The following CALHM4 variants were observed in gnomAD, a reference collection of about 807,000 sequenced individuals.
The protein encoded by CALHM4 is calcium homeostasis modulator protein 4.
In CALHM4, 16 loss-of-function variants were observed where a neutral mutation model predicts 13.3. That is an observed-to-expected ratio of 1.20 (90% CI 0.81 to 1.82). The LOEUF is 1.82. Ranked by LOEUF, CALHM4 falls within the 40% of genes most tolerant of loss-of-function variation. The probability of loss-of-function intolerance (pLI) is 0.00; values close to 1 mark genes in which losing one functional copy is unlikely to be tolerated. For missense variants in CALHM4, 344 were observed against 374.9 expected, an observed-to-expected ratio of 0.92 and a Z score of 0.68; for synonymous variants, 127 against 137.1, an observed-to-expected ratio of 0.93 and a Z score of 0.52.
intron 1 of CALHM4, among the ~76,000 whole-genome samples, chr6:116,536,544 C>T (rs1212844694): frequency 2.0e-5 from 3 of 152,180 alleles, no homozygotes; most frequent in African/African-American, 7.2e-5. Flanking sequence ...TTTACTAACT[C>T]AGAGGGAGGG....
At chr6:116,536,215 G>A (rs1334702620) in intron 1 of CALHM4, among the ~76,000 whole-genome samples, 4 of 152,104 alleles carry the variant, frequency 2.6e-5, no homozygotes, top group Non-Finnish European at 5.9e-5. Flanking sequence ...GTAGGAATGA[G>A]ACTTTATAAT....
In CALHM4 at chr6:116,557,821, G is replaced by A. The variant is rs1472361233; in HGVS notation, c.559-4G>A. ...CTGTTTTTCTTTTTAATAATGATGT[G>A]AAGATGCTGGGTTGGATTTTGATCA... On this transcript the variant is annotated splice_region_variant and splice_polypyrimidine_tract_variant and intron_variant, in intron 1 of 1. Coordinates refer to ENST00000368596, the MANE Select transcript of CALHM4 (RefSeq NM_001366078.2). The A allele has an allele frequency of 6.2e-7, 1 of 1,607,552 alleles. No individual in the cohort carries two copies. The highest frequency in any genetic ancestry group is 8.5e-7 in the Non-Finnish European group (1 of 1,175,600).
upstream of CALHM4, among the ~76,000 whole-genome samples, chr6:116,549,432 A>C (rs375917978): frequency 1.1e-4 from 16 of 152,324 alleles, no homozygotes; most frequent in East Asian, 2.9e-3. Flanking sequence ...TGATATTATG[A>C]GGTACATGGA....
chr6:116,540,483 G>A (rs1281508480), intron 1 of CALHM4: 1 of 1,547,376 alleles, frequency 6.5e-7, no homozygotes, highest in Non-Finnish European at 8.7e-7. Context: ...CGGAAAGAGT[G>A]TGGTCTGAAA....
chr6:116,537,726 T>C (rs997150072), intron 1 of CALHM4, among the ~76,000 whole-genome samples: 12 of 152,180 alleles, frequency 7.9e-5, no homozygotes. Flanking sequence ...GGCTACCTCC[T>C]GCAGAAGAAA....
intron 1 of CALHM4, among the ~76,000 whole-genome samples, chr6:116,554,995 T>C (rs1019433399): frequency 1.3e-5 from 2 of 152,222 alleles, no homozygotes; most frequent in Non-Finnish European, 2.9e-5. Flanking sequence ...CTGTCATCAA[T>C]TTCTCCAAGG....
At chr6:116,544,978 G>A (rs1408367965) in intron 2 of CALHM4, among the ~76,000 whole-genome samples, 3 of 151,698 alleles carry the variant, frequency 2.0e-5, no homozygotes, top group Non-Finnish European at 4.4e-5. Context: ...CTCTTAACCT[G>A]GAATATATAG....
At chr6:116,541,507 G>A (rs1002244714) in intron 1 of CALHM4, among the ~76,000 whole-genome samples, 30 of 152,296 alleles carry the variant, frequency 2.0e-4, no homozygotes, top group African/African-American at 6.7e-4. Flanking sequence ...TGGTGACTAG[G>A]TGGTTGGAGG....
intron 1 of CALHM4, among the ~76,000 whole-genome samples, chr6:116,538,753 AC>A (rs1773250360): frequency 5.3e-5 from 8 of 150,986 alleles, no homozygotes; most frequent in Admixed American, 5.3e-4. Flanking sequence ...TTTTTTTGAA[AC>A]AGGGTCTTGC....
At chr6:116,557,218 T>C (rs757220245) in intron 1 of CALHM4, among the ~76,000 whole-genome samples, 3 of 152,184 alleles carry the variant, frequency 2.0e-5, no homozygotes, top group Non-Finnish European at 4.4e-5. Context: ...ATTACAAGTA[T>C]GAGCCACCAC....
intron 1 of CALHM4, among the ~76,000 whole-genome samples, chr6:116,556,346 T>A (rs1774316368): frequency 6.6e-6 from 1 of 152,220 alleles, no homozygotes; most frequent in Non-Finnish European, 1.5e-5. Flanking sequence ...AATGAATGCA[T>A]CTTTAATTAT....
chr6:116,545,536 A>G (rs1441444102), intron 2 of CALHM4: 4 of 1,543,856 alleles, frequency 2.6e-6, no homozygotes, highest in African/African-American at 2.7e-5. Context: ...GATGAAGAAT[A>G]TGATCTTCAA....
rs773308950 is a variant in CALHM4 at position 116,553,872 on chromosome 6, A to T, written c.79A>T (p.Thr27Ser). ...IFINSLIAAL[T>S]IGGQQLFSSS... ...TATCAATTCTTTAATTGCAGCCTTG[A>T]CTATTGGTGGGCAACAACTCTTCTC... The change falls in exon 1 of 2, where the codon ACT becomes TCT. Residue 27 changes from threonine to serine, a missense_variant. Coordinates refer to ENST00000368596, the MANE Select transcript of CALHM4 (RefSeq NM_001366078.2). The T allele has an allele frequency of 4.5e-6, 7 of 1,550,618 alleles. No individual in the cohort carries two copies. Among genetic ancestry groups the T allele is most frequent in the Non-Finnish European group, 6.1e-6 (7 of 1,147,000 alleles).
chr6:116,558,127 G>C lies in CALHM4; in HGVS notation c.861G>C (p.Leu287Phe), dbSNP rs372694937. ...VPTLLCMGDDLQGHYSFLGNR... is the reference protein window; with the variant it reads ...VPTLLCMGDDFQGHYSFLGNR... Reference sequence around the variant, plus strand: ...CTCTTTTATGCATGGGTGATGACTTGCAAGGTCACTATAGCTTCCTTGGAA... The same window carrying C: ...CTCTTTTATGCATGGGTGATGACTTCCAAGGTCACTATAGCTTCCTTGGAA... Residue 287 changes from leucine (L) to phenylalanine (F), a missense_variant, in exon 2 of 2, where the codon TTG becomes TTC. Leu to Phe is a conservative substitution (Grantham distance 22). Transcript: ENST00000368596. 6.2e-7 allele frequency: 1 copy of C among 1,614,164 alleles called. No homozygotes were observed.
chr6:116,560,649 TTGG>T lies in CALHM4; in HGVS notation c.*2439_*2441del, dbSNP rs1369457299. ...TCAAATAAATGGAATTTTTAGTATT[TTGG>T]GGGGGGGGGGGGCTATGGTCTATAG... On this transcript the variant is annotated 3_prime_UTR_variant, in exon 2 of 2. Transcript: ENST00000368596. Among the ~76,000 whole-genome samples, 2 of 23,516 alleles carry T rather than the reference TTGG, an allele frequency of 8.5e-5. No individual in the cohort carries two copies. The highest frequency in any genetic ancestry group is 3.0e-4 in the African/African-American group (2 of 6,722). The allele number at this position is 23,516 out of a possible 152,430, so 15.4% of individuals were successfully genotyped here. A position where few individuals can be genotyped will look rare whatever the true frequency, so the allele number is the denominator to read the frequency against.
At chr6:116,531,815 TAATA>T (rs1772742538) in intron 1 of CALHM4, among the ~76,000 whole-genome samples, 2 of 151,434 alleles carry the variant, frequency 1.3e-5, no homozygotes, top group South Asian at 2.1e-4. Flanking sequence ...TACACTCATA[TAATA>T]AATAATGGAA....
intron 2 of CALHM4, among the ~76,000 whole-genome samples, chr6:116,546,735 T>C (rs956567154): frequency 2.0e-5 from 3 of 152,168 alleles, no homozygotes; most frequent in Non-Finnish European, 4.4e-5. Flanking sequence ...AAATGCACCA[T>C]ATAATAACTA....
intron 1 of CALHM4, among the ~76,000 whole-genome samples, chr6:116,542,534 T>C (rs546589333): frequency 6.6e-6 from 1 of 152,290 alleles, no homozygotes; most frequent in South Asian, 2.1e-4. Flanking sequence ...TTTCCAGTCT[T>C]TCCTCTGTTA....
intron 1 of CALHM4, among the ~76,000 whole-genome samples, chr6:116,554,635 G>A (rs1333205034): frequency 6.6e-6 from 1 of 152,036 alleles, no homozygotes; most frequent in East Asian, 1.9e-4. Flanking sequence ...CTGCTGTGGG[G>A]AATACATTAC....
Sources: allele counts gnomAD v4.1 joint callset (sites outside exome capture counted in the v4.1 genomes callset), GRCh38; gene constraint gnomAD v4.1.1; transcripts MANE v1.5; gene names NCBI Gene and HGNC (gene_info 2026-07-23, HGNC 2026-07-21).